The following SPATS2 variants were observed in gnomAD, a reference collection of about 807,000 sequenced individuals.
The protein encoded by SPATS2 is spermatogenesis associated serine rich 2.
SPATS2 carries 38 observed loss-of-function variants against 63.7 expected under a neutral mutation model. That is an observed-to-expected ratio of 0.60 (90% CI 0.46 to 0.78). SPATS2 has a LOEUF of 0.78. Among genes scored for constraint, SPATS2 ranks in the 30% least tolerant of loss-of-function variants. The pLI is 0.00. For synonymous variants in SPATS2, 207 were observed against 232.9 expected (o/e 0.89, Z 1.01); for missense variants, 588 against 666.2 (o/e 0.88, Z 1.29).
intron 2 of SPATS2, among the ~76,000 whole-genome samples, chr12:49,407,470 T>C (rs1944716772): frequency 6.6e-6 from 1 of 152,194 alleles, no homozygotes; most frequent in Non-Finnish European, 1.5e-5. Context: ...CACGTTCCTT[T>C]AGCCACAGCG....
intron 2 of SPATS2, among the ~76,000 whole-genome samples, chr12:49,445,847 T>C (rs1488817680): frequency 1.3e-5 from 2 of 152,094 alleles, no homozygotes; most frequent in African/African-American, 4.8e-5. Flanking sequence ...ATTTTGTTAA[T>C]GATGTATTTC....
chr12:49,431,209 T>G (rs748005530), intron 2 of SPATS2, among the ~76,000 whole-genome samples: 6 of 152,186 alleles, frequency 3.9e-5, no homozygotes, highest in Non-Finnish European at 8.8e-5. Context: ...GCAAATACAT[T>G]ACTTTCTCCA....
intron 9 of SPATS2, among the ~76,000 whole-genome samples, chr12:49,505,770 C>T (rs1402553924): frequency 6.6e-6 from 1 of 152,036 alleles, no homozygotes; most frequent in Non-Finnish European, 1.5e-5. Context: ...AAGCAATTTG[C>T]CTAAGTTGCA....
At position 49,385,661 on chromosome 12, in the gene SPATS2, G is replaced by A. The variant is rs76925490; in HGVS notation, c.-244+14371G>A. Among the ~76,000 whole-genome samples the A allele has an allele frequency of 7.9e-5, 12 of 152,148 alleles. No individual in the cohort carries two copies. The East Asian group carries it at 2.3e-3, about 29-fold the overall frequency. ...TATTCTCAGTGAATTAGGAAATAAAGTGCTTAGCTGAGAGTGAGGATGAGG... is the reference window on the plus strand; with the variant it reads ...TATTCTCAGTGAATTAGGAAATAAAATGCTTAGCTGAGAGTGAGGATGAGG... On this transcript the variant is annotated intron_variant, in intron 2 of 13. Transcript: ENST00000552918.
rs989521252 is a variant in SPATS2, at chr12:49,384,157, C to T, written c.-244+12867C>T. On this transcript the variant is annotated intron_variant, in intron 2 of 13. Coordinates refer to ENST00000552918, the MANE Select transcript of SPATS2 (RefSeq NM_023071.4). ...TGTCTTAAAAAATCTCAGAGATGGG[C>T]TCTTGCTGTATATTGCCCAGGTTAG... 6.6e-5 allele frequency among the ~76,000 whole-genome samples: 10 copies of T among 152,228 alleles called. No individual in the cohort carries two copies. In the East Asian group the frequency reaches 1.9e-3, roughly 29 times the overall value.
At chr12:49,367,373 C>A (rs1212498105), upstream of SPATS2, 2 of 393,894 alleles carry the variant, frequency 5.1e-6, no homozygotes, top group East Asian at 7.2e-5. Context: ...CCGGCAGCAT[C>A]CTGCAGTCCG....
chr12:49,479,410 A>G (rs1227770422), intron 3 of SPATS2, among the ~76,000 whole-genome samples: 1 of 152,170 alleles, frequency 6.6e-6, no homozygotes, highest in Non-Finnish European at 1.5e-5. Context: ...CAACAGGGAG[A>G]AGCCAGACAA....
chr12:49,452,928 C>A (rs868308488), intron 2 of SPATS2, among the ~76,000 whole-genome samples: 1 of 151,736 alleles, frequency 6.6e-6, no homozygotes, highest in African/African-American at 2.4e-5. Flanking sequence ...GAGGCCGAGG[C>A]GGGCGGATCA....
intron 6 of SPATS2, 85 bp downstream of exon 6, chr12:49,490,816 G>A: frequency 1.6e-6 from 2 of 1,263,150 alleles, no homozygotes; most frequent in Admixed American, 4.0e-5. Flanking sequence ...GAAAGAAAAG[G>A]TTCACATACA....
chr12:49,380,067 G>T (rs1944186846), intron 2 of SPATS2, among the ~76,000 whole-genome samples: 1 of 152,008 alleles, frequency 6.6e-6, no homozygotes, highest in Non-Finnish European at 1.5e-5. Flanking sequence ...CAAATAAATG[G>T]AATCACACAA....
intron 10 of SPATS2, among the ~76,000 whole-genome samples, chr12:49,518,831 G>T (rs1946891231): frequency 6.6e-6 from 1 of 151,900 alleles, no homozygotes; most frequent in African/African-American, 2.4e-5. Flanking sequence ...AAATTTTTTT[G>T]ACTGGAAGGA....
At chr12:49,396,787 A>G (rs938828272) in intron 2 of SPATS2, among the ~76,000 whole-genome samples, 3 of 152,140 alleles carry the variant, frequency 2.0e-5, no homozygotes, top group African/African-American at 7.2e-5. Flanking sequence ...GCTCAGTTCC[A>G]TCTTGTTTTG....
At chr12:49,486,341 G>C (rs778816589) in intron 4 of SPATS2, 1 of 365,988 alleles carries the variant, frequency 2.7e-6, no homozygotes, top group South Asian at 1.9e-5. Context: ...GTGTAGCTGG[G>C]GATACAGGTG....
intron 1 of SPATS2, among the ~76,000 whole-genome samples, chr12:49,370,764 A>G (rs1943982949): frequency 6.6e-6 from 1 of 152,124 alleles, no homozygotes; most frequent in African/African-American, 2.4e-5. Context: ...GGTATTGGCT[A>G]GTTTGTTTAC....
chr12:49,390,181 G>C, intron 2 of SPATS2: 2 of 1,441,306 alleles, frequency 1.4e-6, no homozygotes, highest in South Asian at 1.2e-5. Context: ...TTCTGAGTCT[G>C]TGAGCTTCTT....
At chr12:49,391,990 T>G (rs1944425915) in intron 2 of SPATS2, among the ~76,000 whole-genome samples, 1 of 152,210 alleles carries the variant, frequency 6.6e-6, no homozygotes, top group Non-Finnish European at 1.5e-5. Flanking sequence ...TTTATTGTTT[T>G]TGGGAAAGTA....
intron 3 of SPATS2, among the ~76,000 whole-genome samples, chr12:49,481,291 C>T (rs1399388704): frequency 6.6e-6 from 1 of 151,788 alleles, no homozygotes; most frequent in African/African-American, 2.4e-5. Context: ...ACCCGGGAAG[C>T]GGAGGTTGTA....
intron 2 of SPATS2, among the ~76,000 whole-genome samples, chr12:49,388,602 C>T (rs1400181141): frequency 4.6e-5 from 7 of 151,712 alleles, no homozygotes; most frequent in Non-Finnish European, 4.4e-5. Flanking sequence ...TCTTGAACTT[C>T]TGGCCTCAAG....
intron 4 of SPATS2, 103 bp from the exon 5 acceptor site, chr12:49,489,362 T>G: frequency 1.3e-6 from 1 of 779,998 alleles, no homozygotes; most frequent in Non-Finnish European, 2.1e-6. Flanking sequence ...TGATACATAT[T>G]GTTAAAAATG....
Sources: gnomAD v4.1 joint callset for allele counts (sites outside exome capture counted in the v4.1 genomes callset) on GRCh38, gnomAD v4.1.1 for gene constraint, MANE v1.5 for transcripts, NCBI Gene and HGNC (gene_info 2026-07-23, HGNC 2026-07-21) for gene names.